The following KCNQ3 variants were observed in gnomAD, a reference collection of about 807,000 sequenced individuals.
KCNQ3 encodes potassium voltage-gated channel subfamily KQT member 3.
KCNQ3 carries 30 observed loss-of-function variants against 92.5 expected under a neutral mutation model. That is an observed-to-expected ratio of 0.32 (90% confidence interval 0.24 to 0.44). The LOEUF (loss-of-function observed/expected upper bound fraction) is 0.44, where lower values mean the gene tolerates loss of function less well. KCNQ3 is among the 20% of genes least tolerant of loss of function. The probability of loss-of-function intolerance (pLI) is 1.00; values close to 1 mark genes in which losing one functional copy is unlikely to be tolerated. For missense variants in KCNQ3, 913 were observed against 1,140.3 expected, an observed-to-expected ratio of 0.80 and a Z score of 2.87; for synonymous variants, 450 against 468.8, an observed-to-expected ratio of 0.96 and a Z score of 0.52.
chr8:132,217,203 A>G (rs1391801922), intron 1 of KCNQ3, among the ~76,000 whole-genome samples: 2 of 152,214 alleles, frequency 1.3e-5, no homozygotes, highest in Admixed American at 1.3e-4. Context: ...ACCGGCAAAC[A>G]TGACAGGTGA....
chr8:132,390,233 T>C (rs1225838898), intron 1 of KCNQ3, among the ~76,000 whole-genome samples: 2 of 152,178 alleles, frequency 1.3e-5, no homozygotes, highest in Admixed American at 6.5e-5. Context: ...CATTTAGGAA[T>C]GAATACTTAG....
At chr8:132,306,718 G>A (rs544782786) in intron 1 of KCNQ3, among the ~76,000 whole-genome samples, 54 of 152,246 alleles carry the variant, frequency 3.5e-4, no homozygotes, top group South Asian at 2.3e-3. Context: ...AGGATGTAGC[G>A]GTAAACTTAG....
At chr8:132,469,169 C>T (rs1008025525) in intron 1 of KCNQ3, among the ~76,000 whole-genome samples, 1 of 152,218 alleles carries the variant, frequency 6.6e-6, no homozygotes, top group African/African-American at 2.4e-5. Context: ...CCTATAGACA[C>T]AGGTGCTGAG....
Position 132,141,183 on chromosome 8 carries a change from G to T in KCNQ3, c.1411C>A (p.Arg471Ser). Reference protein sequence around the residue: ...PKPVGLNNKERFRTAFRMKAY... With the variant: ...PKPVGLNNKESFRTAFRMKAY... ...TTCATGCGGAAGGCCGTGCGGAAAC[G>T]CTCTTTATTGTTTAAGCCAACAGGC... is the stretch of plus-strand genomic sequence containing the variant. Residue 471 changes from arginine to serine, a missense_variant, in exon 10 of 15, where the codon CGT (arginine) becomes AGT (serine). Coordinates refer to ENST00000388996, the MANE Select transcript of KCNQ3 (RefSeq NM_004519.4). The T allele has an allele frequency of 6.2e-7, 1 of 1,614,168 alleles. No homozygotes were observed. The highest frequency in any genetic ancestry group is 1.1e-5 in the South Asian group (1 of 91,082).
chr8:132,414,704 C>T (rs1383340021), intron 1 of KCNQ3, among the ~76,000 whole-genome samples: 2 of 151,524 alleles, frequency 1.3e-5, no homozygotes, highest in Admixed American at 1.3e-4. Flanking sequence ...GTGGCATGAT[C>T]CTTTTAGGAG....
At chr8:132,310,311 A>G (rs1817555077) in intron 1 of KCNQ3, among the ~76,000 whole-genome samples, 1 of 152,130 alleles carries the variant, frequency 6.6e-6, no homozygotes, top group Non-Finnish European at 1.5e-5. Context: ...GTCCATCTCC[A>G]TGTAACATAA....
At chr8:132,276,027 C>T (rs1192363779) in intron 1 of KCNQ3, among the ~76,000 whole-genome samples, 1 of 152,212 alleles carries the variant, frequency 6.6e-6, no homozygotes, top group African/African-American at 2.4e-5. Context: ...CAAGCACTTG[C>T]ACCCAGGACC....
rs1000593747 is a variant in KCNQ3, at chr8:132,128,278, T to G, written c.*984A>C. On this transcript the variant is annotated 3_prime_UTR_variant, in exon 15 of 15. Coordinates refer to ENST00000388996, the MANE Select transcript of KCNQ3 (RefSeq NM_004519.4). ...TATGTCACTTTACCTGAGCCTAAGATTCTTCATTTATAAAAGGAAGTCCTT... is the reference window on the plus strand; with the variant it reads ...TATGTCACTTTACCTGAGCCTAAGAGTCTTCATTTATAAAAGGAAGTCCTT... 4 of 152,196 alleles carry G rather than the reference T, an allele frequency of 2.6e-5. No homozygotes were observed. The highest frequency in any genetic ancestry group is 7.2e-5 in the African/African-American group (3 of 41,450). The allele number at this position is 152,196 out of a possible 1,614,324, so 9.4% of individuals were successfully genotyped here. A position where few individuals can be genotyped will look rare whatever the true frequency, so the allele number is the denominator to read the frequency against.
intron 1 of KCNQ3, among the ~76,000 whole-genome samples, chr8:132,348,304 T>C (rs956599663): frequency 6.6e-6 from 1 of 152,150 alleles, no homozygotes; most frequent in African/African-American, 2.4e-5. Flanking sequence ...CCTTAAAATA[T>C]CTGTGTAAAT....
At chr8:132,443,494 G>T (rs763650889) in intron 1 of KCNQ3, among the ~76,000 whole-genome samples, 4 of 152,130 alleles carry the variant, frequency 2.6e-5, no homozygotes, top group Non-Finnish European at 4.4e-5. Flanking sequence ...TCAGAGACAA[G>T]TGACAGCCAG....
chr8:132,309,163 G>T (rs1817519389), intron 1 of KCNQ3, among the ~76,000 whole-genome samples: 1 of 152,152 alleles, frequency 6.6e-6, no homozygotes, highest in Non-Finnish European at 1.5e-5. Context: ...GATGCTTCCT[G>T]CCCTTGAACA....
chr8:132,327,460 G>A lies in KCNQ3; in HGVS notation c.387-141279C>T, dbSNP rs573348100. 3.9e-5 allele frequency among the ~76,000 whole-genome samples: 6 copies of A among 152,236 alleles called. No individual in the cohort carries two copies. In the East Asian group the frequency reaches 1.2e-3, roughly 29 times the overall value. Reference sequence around the variant, plus strand: ...ACAGGGTTTGATCCCAGATCTGTAGGTATCAGAGTATGGCCCTTAAGTCTG... The same window carrying A: ...ACAGGGTTTGATCCCAGATCTGTAGATATCAGAGTATGGCCCTTAAGTCTG... On this transcript the variant is annotated intron_variant, in intron 1 of 14. Coordinates refer to ENST00000388996, the MANE Select transcript of KCNQ3 (RefSeq NM_004519.4).
At chr8:132,447,678 G>A (rs765540933) in intron 1 of KCNQ3, among the ~76,000 whole-genome samples, 1 of 152,216 alleles carries the variant, frequency 6.6e-6, no homozygotes, top group Non-Finnish European at 1.5e-5. Context: ...ACGAGCGCAT[G>A]ATTTAGAGAT....
At chr8:132,172,520 C>T (rs1826409506) in intron 7 of KCNQ3, 78 bp downstream of exon 7, 4 of 1,275,904 alleles carry the variant, frequency 3.1e-6, no homozygotes, top group East Asian at 2.3e-5. Context: ...TGCACACATG[C>T]ACACATACAC....
intron 1 of KCNQ3, among the ~76,000 whole-genome samples, chr8:132,362,490 G>A (rs1373800180): frequency 6.6e-6 from 1 of 152,188 alleles, no homozygotes; most frequent in African/African-American, 2.4e-5. Flanking sequence ...CCATGCCCTT[G>A]AGATGCTCAG....
intron 1 of KCNQ3, among the ~76,000 whole-genome samples, chr8:132,349,853 G>T (rs1156780883): frequency 6.6e-6 from 1 of 152,246 alleles, no homozygotes; most frequent in African/African-American, 2.4e-5. Context: ...ACTGACAATT[G>T]GGGACAGCTT....
At chr8:132,356,528 C>T (rs1297571549) in intron 1 of KCNQ3, among the ~76,000 whole-genome samples, 2 of 152,182 alleles carry the variant, frequency 1.3e-5, no homozygotes, top group Non-Finnish European at 2.9e-5. Flanking sequence ...ACTCATCTTT[C>T]CCCTCAGGAA....
chr8:132,432,355 C>CA (rs11411494), intron 1 of KCNQ3, among the ~76,000 whole-genome samples: 47,112 of 134,222 alleles, frequency 0.35, 7,710 homozygotes, highest in South Asian at 0.41. Context: ...ATGAATACGG[C>CA]AAAAAAAAAA....
chr8:132,395,285 C>T (rs1255181887), intron 1 of KCNQ3, among the ~76,000 whole-genome samples: 3 of 152,292 alleles, frequency 2.0e-5, no homozygotes, highest in Non-Finnish European at 4.4e-5. Context: ...CAATATCCCC[C>T]TTCTAGCAAT....
Sources: allele counts gnomAD v4.1 joint callset (sites outside exome capture counted in the v4.1 genomes callset), GRCh38; gene constraint gnomAD v4.1.1; transcripts MANE v1.5; gene names NCBI Gene and HGNC (gene_info 2026-07-23, HGNC 2026-07-21).